The following NDNF variants were observed in gnomAD, a reference collection of about 807,000 sequenced individuals.
NDNF encodes neuron derived neurotrophic factor.
NDNF carries 16 observed loss-of-function variants against 42.0 expected under a neutral mutation model. The ratio of observed to expected loss-of-function variants is 0.38; its 90% CI spans 0.26 to 0.58. The LOEUF (loss-of-function observed/expected upper bound fraction) is 0.58. NDNF is among the 20% of genes least tolerant of loss of function. The pLI is 0.67. For synonymous variants in NDNF, 248 were observed against 251.7 expected (o/e 0.99, Z 0.14); for missense variants, 616 against 666.2 (o/e 0.92, Z 0.83).
intron 2 of NDNF, among the ~76,000 whole-genome samples, chr4:121,044,464 T>C (rs1727054823): frequency 6.6e-6 from 1 of 151,646 alleles, no homozygotes; most frequent in Non-Finnish European, 1.5e-5. Context: ...CACTACAAAA[T>C]AGGTAACTTT....
At chr4:121,050,206 G>A (rs918022409) in intron 1 of NDNF, among the ~76,000 whole-genome samples, 2 of 152,076 alleles carry the variant, frequency 1.3e-5, no homozygotes, top group African/African-American at 2.4e-5. Context: ...ACAATAAAAT[G>A]TTCTGTCTCA....
At chr4:121,066,724 C>A (rs1727505247) in intron 1 of NDNF, among the ~76,000 whole-genome samples, 1 of 152,194 alleles carries the variant, frequency 6.6e-6, no homozygotes, top group South Asian at 2.1e-4. Context: ...TGTTAAATTT[C>A]AGGCTCATAT....
At position 121,037,235 on chromosome 4, in the gene NDNF, C is replaced by T; in HGVS notation, c.736G>A (p.Asp246Asn). 1 of 1,614,028 alleles carries T rather than the reference C, an allele frequency of 6.2e-7. No homozygotes were observed. The highest frequency in any genetic ancestry group is 8.5e-7 in the Non-Finnish European group (1 of 1,180,014). The change falls in exon 4 of 4, where the codon GAC (aspartate) becomes AAC (asparagine). Residue 246 changes from aspartate to asparagine, a missense_variant. By Grantham distance (23) the Asp-to-Asn change is conservative (BLOSUM62 1). Coordinates refer to ENST00000379692, the MANE Select transcript of NDNF (RefSeq NM_024574.4). ...TGGGCAAAGTCAAAGGGGCTGAAGTCCAGACCAGGTTTCGGTGCCATCATA... is the reference window on the plus strand; with the variant it reads ...TGGGCAAAGTCAAAGGGGCTGAAGTTCAGACCAGGTTTCGGTGCCATCATA... The part of the protein sequence containing the change: ...AFMMAPKPGL[D>N]FSPFDFAHFG...
intron 2 of NDNF, among the ~76,000 whole-genome samples, chr4:121,045,331 A>G (rs539689700): frequency 2.6e-5 from 4 of 152,044 alleles, no homozygotes; most frequent in Non-Finnish European, 4.4e-5. Context: ...CAGCCTGGGC[A>G]ACAGAGCGAG....
At chr4:121,065,744 A>C (rs1239486909) in intron 1 of NDNF, among the ~76,000 whole-genome samples, 1 of 151,798 alleles carries the variant, frequency 6.6e-6, no homozygotes, top group Non-Finnish European at 1.5e-5. Context: ...ACACACATAT[A>C]TTTTACATAT....
intron 1 of NDNF, among the ~76,000 whole-genome samples, chr4:121,054,952 T>C (rs1281794728): frequency 1.3e-5 from 2 of 152,012 alleles, no homozygotes; most frequent in Non-Finnish European, 2.9e-5. Context: ...GCCTCAGCCT[T>C]CTGAGTAGCT....
chr4:121,057,297 C>A (rs188305590), intron 1 of NDNF, among the ~76,000 whole-genome samples: 1 of 152,214 alleles, frequency 6.6e-6, no homozygotes, highest in Admixed American at 6.5e-5. Flanking sequence ...AAGAGTAAGC[C>A]ATACAGAGTC....
chr4:121,058,781 C>G (rs191345223), intron 1 of NDNF, among the ~76,000 whole-genome samples: 57 of 152,280 alleles, frequency 3.7e-4, no homozygotes, highest in Non-Finnish European at 7.4e-4. Context: ...TTGCATCTCA[C>G]CTAACTGCTC....
intron 1 of NDNF, among the ~76,000 whole-genome samples, chr4:121,063,018 C>A (rs943049956): frequency 6.6e-6 from 1 of 151,860 alleles, no homozygotes; most frequent in African/African-American, 2.4e-5. Context: ...TTTGGAGTAT[C>A]TTTTTTATAT....
chr4:121,041,662 G>A (rs937570013), intron 2 of NDNF, among the ~76,000 whole-genome samples: 8 of 152,266 alleles, frequency 5.3e-5, no homozygotes, highest in Middle Eastern at 3.4e-3. Context: ...GCAGTTTTAA[G>A]GAATGATTCG....
chr4:121,062,823 G>A (rs901879040), intron 1 of NDNF, among the ~76,000 whole-genome samples: 2 of 152,124 alleles, frequency 1.3e-5, no homozygotes, highest in African/African-American at 4.8e-5. Context: ...CCTGCCAAGA[G>A]AAAAAGAGAT....
chr4:121,050,377 C>G (rs4833703), intron 1 of NDNF, among the ~76,000 whole-genome samples: 30,445 of 152,076 alleles, frequency 0.2, 3,359 homozygotes, highest in South Asian at 0.33. Flanking sequence ...TTTGTTACTT[C>G]TAGGTAGGCA....
intron 1 of NDNF, among the ~76,000 whole-genome samples, chr4:121,058,307 C>T (rs938033217): frequency 5.9e-5 from 9 of 152,138 alleles, no homozygotes; most frequent in African/African-American, 1.9e-4. Context: ...ACCCTCAAGG[C>T]TAATTCTTAG....
At chr4:121,068,245 T>C (rs1727533526) in intron 1 of NDNF, among the ~76,000 whole-genome samples, 1 of 152,190 alleles carries the variant, frequency 6.6e-6, no homozygotes, top group Admixed American at 6.5e-5. Context: ...TGTCACGTAA[T>C]GTTACATTTG....
chr4:121,044,149 C>G (rs1378811156), intron 2 of NDNF, among the ~76,000 whole-genome samples: 1 of 152,156 alleles, frequency 6.6e-6, no homozygotes, highest in Non-Finnish European at 1.5e-5. Flanking sequence ...ATAGTTCACT[C>G]TAGTTAATGT....
Position 121,036,665 on chromosome 4 carries a change from T to C in NDNF, c.1306A>G (p.Thr436Ala), listed in dbSNP as rs764632595. The change falls in exon 4 of 4, where the codon ACC (threonine) becomes GCC (alanine). Residue 436 changes from threonine (T) to alanine (A), a missense_variant. Coordinates refer to ENST00000379692, the MANE Select transcript of NDNF (RefSeq NM_024574.4). Reference protein sequence around the residue: ...KGASMLKILATTRPTKQSFPS... With the variant: ...KGASMLKILAATRPTKQSFPS... ...AATGACTGCTTAGTAGGCCTTGTGG[T>C]AGCTAGAATTTTCAACATAGATGCT... is the stretch of plus-strand genomic sequence containing the variant. 8.1e-6 allele frequency: 13 copies of C among 1,614,062 alleles called. No individual in the cohort carries two copies. Among genetic ancestry groups the C allele is most frequent in the African/African-American group, 8.0e-5 (6 of 74,932 alleles).
intron 1 of NDNF, among the ~76,000 whole-genome samples, chr4:121,054,092 G>T (rs1445773014): frequency 6.6e-6 from 1 of 152,180 alleles, no homozygotes; most frequent in Non-Finnish European, 1.5e-5. Context: ...TATCCAAGAA[G>T]TTAACTCTTC....
intron 1 of NDNF, among the ~76,000 whole-genome samples, chr4:121,057,754 C>T (rs1238076968): frequency 1.3e-5 from 2 of 152,180 alleles, no homozygotes; most frequent in African/African-American, 2.4e-5. Context: ...AGGATGCTTC[C>T]TGACTTTCCG....
intron 2 of NDNF, among the ~76,000 whole-genome samples, chr4:121,041,613 C>T (rs1726998772): frequency 6.6e-6 from 1 of 152,192 alleles, no homozygotes; most frequent in Non-Finnish European, 1.5e-5. Context: ...AGCTGGAAAT[C>T]ACATAGTACA....
Sources: gnomAD v4.1 joint callset for allele counts (sites outside exome capture counted in the v4.1 genomes callset) on GRCh38, gnomAD v4.1.1 for gene constraint, MANE v1.5 for transcripts, NCBI Gene and HGNC (gene_info 2026-07-23, HGNC 2026-07-21) for gene names.